FUT8: variants seen among roughly 807,000 people sequenced by gnomAD.
FUT8 encodes fucosyltransferase 8.
In FUT8, 29 loss-of-function variants were observed where a neutral mutation model predicts 71.3. The ratio of observed to expected loss-of-function variants is 0.41; its 90% CI spans 0.30 to 0.55. The LOEUF is 0.55. Among genes scored for constraint, FUT8 ranks in the 20% least tolerant of loss-of-function variants. The pLI, the probability that FUT8 is intolerant of heterozygous loss-of-function variation, is 0.34. For missense variants in FUT8, 544 were observed against 702.1 expected, an observed-to-expected ratio of 0.77 and a Z score of 2.55; for synonymous variants, 254 against 239.3, an observed-to-expected ratio of 1.06 and a Z score of -0.57.
intron 6 of FUT8, among the ~76,000 whole-genome samples, chr14:65,632,913 TCA>T (rs1338803763): frequency 2.0e-5 from 3 of 151,984 alleles, no homozygotes; most frequent in South Asian, 2.1e-4. Context: ...AGATGAGGAT[TCA>T]GTTTCATTCT....
At chr14:65,601,983 AT>A (rs1321553007) in intron 3 of FUT8, among the ~76,000 whole-genome samples, 2 of 151,714 alleles carry the variant, frequency 1.3e-5, no homozygotes, top group East Asian at 1.9e-4. Context: ...TTTTAAAAAA[AT>A]TTTTTTTATA....
chr14:65,629,177 A>ATTTG (rs1392001295), intron 5 of FUT8, among the ~76,000 whole-genome samples: 1 of 152,202 alleles, frequency 6.6e-6, no homozygotes, highest in African/African-American at 2.4e-5. Context: ...TAATTTACTC[A>ATTTG]TTTGTTTGCT....
chr14:65,720,392 AG>A (rs1895354887), intron 7 of FUT8, among the ~76,000 whole-genome samples: 1 of 152,262 alleles, frequency 6.6e-6, no homozygotes. Flanking sequence ...AGGCAGGTCC[AG>A]GAGTGCCATA....
intron 1 of FUT8, among the ~76,000 whole-genome samples, chr14:65,433,597 T>C (rs979273232): frequency 3.9e-5 from 6 of 152,074 alleles, no homozygotes; most frequent in Non-Finnish European, 2.9e-5. Flanking sequence ...GTGAGTAGAG[T>C]GGTAAAATGT....
intron 2 of FUT8, among the ~76,000 whole-genome samples, chr14:65,482,379 A>G (rs145014838): frequency 3.9e-5 from 6 of 152,020 alleles, no homozygotes; most frequent in East Asian, 1.9e-4. Flanking sequence ...TAAAGTGACA[A>G]ATGTACAGGT....
intron 2 of FUT8, among the ~76,000 whole-genome samples, chr14:65,558,475 C>T (rs1030959830): frequency 8.5e-5 from 13 of 152,084 alleles, no homozygotes; most frequent in Non-Finnish European, 1.8e-4. Flanking sequence ...TAATAGCATT[C>T]TCTCACTTTC....
At chr14:65,666,027 C>G (rs1892194227) in intron 6 of FUT8, among the ~76,000 whole-genome samples, 1 of 151,886 alleles carries the variant, frequency 6.6e-6, no homozygotes, top group Non-Finnish European at 1.5e-5. Flanking sequence ...CAACAAACCC[C>G]CATGACACAA....
intron 2 of FUT8, among the ~76,000 whole-genome samples, chr14:65,558,660 C>CATAA (rs1885732538): frequency 6.6e-6 from 1 of 152,110 alleles, no homozygotes; most frequent in Non-Finnish European, 1.5e-5. Flanking sequence ...AAACAGTAAC[C>CATAA]ATAAGTAAGT....
intron 3 of FUT8, among the ~76,000 whole-genome samples, chr14:65,568,097 A>G (rs948459104): frequency 4.0e-5 from 6 of 151,764 alleles, no homozygotes; most frequent in African/African-American, 1.2e-4. Context: ...CATCTCTTTA[A>G]TATAAATTGG....
Position 65,677,170 on chromosome 14 carries a change from G to A in FUT8, c.835+7690G>A, listed in dbSNP as rs755385738. On this transcript the variant is annotated intron_variant, in intron 7 of 10. Transcript: ENST00000673929. ...TGTGTGTGCGCGCGCGCATGCGCGC[G>A]CACGTATGTGTGTGCGCATGTGTGT... is the stretch of plus-strand genomic sequence containing the variant. 9.5e-3 allele frequency among the ~76,000 whole-genome samples: 1,125 copies of A among 118,830 alleles called. 13 individuals are homozygous for A. The highest frequency in any genetic ancestry group is 0.014 in the Non-Finnish European group (816 of 59,748). 78.0% of individuals were successfully genotyped at this position (118,830 alleles called of 152,430 possible). A position where few individuals can be genotyped will look rare whatever the true frequency, so the allele number is the denominator to read the frequency against.
At chr14:65,588,132 T>C (rs1333845068) in intron 3 of FUT8, among the ~76,000 whole-genome samples, 1 of 152,210 alleles carries the variant, frequency 6.6e-6, no homozygotes, top group Non-Finnish European at 1.5e-5. Context: ...CTGTTCTAGC[T>C]TAATTTTCCA....
At chr14:65,369,318 GTT>G in the FUT8 span, among the ~76,000 whole-genome samples, 4 of 152,320 alleles carry the variant, frequency 2.6e-5, no homozygotes, top group South Asian at 8.3e-4. The surrounding 1 kb of genome is among the most constrained non-coding windows in gnomAD (Gnocchi z 4.6). Context: ...AAGGTACTGA[GTT>G]TTTCTTAGAG....
At chr14:65,546,458 C>G (rs771887084) in intron 2 of FUT8, among the ~76,000 whole-genome samples, 6 of 151,624 alleles carry the variant, frequency 4.0e-5, no homozygotes, top group Non-Finnish European at 7.4e-5. Context: ...TTTTGTCAGG[C>G]ATGTTTTTGA....
At chr14:65,540,236 C>G (rs1884594595) in intron 2 of FUT8, among the ~76,000 whole-genome samples, 1 of 152,100 alleles carries the variant, frequency 6.6e-6, no homozygotes, top group Non-Finnish European at 1.5e-5. Context: ...CCCCTTTCCT[C>G]TATAGTAATA....
At chr14:65,475,093 T>C (rs112226043) in intron 2 of FUT8, among the ~76,000 whole-genome samples, 20 of 152,344 alleles carry the variant, frequency 1.3e-4, no homozygotes, top group African/African-American at 4.8e-4. Flanking sequence ...CTTTGTATCT[T>C]GTTCCCAGTC....
At chr14:65,396,555 C>T in the FUT8 span, among the ~76,000 whole-genome samples, 1 of 152,212 alleles carries the variant, frequency 6.6e-6, no homozygotes, top group East Asian at 1.9e-4. This position sits in a 1 kb window ranked among gnomAD's most constrained non-coding sequence, Gnocchi z 5.5. Context: ...AAACCACCTT[C>T]ATGATTCAAT....
chr14:65,629,357 G>T, intron 5 of FUT8, 135 bp from the exon 6 acceptor site: 1 of 528,330 alleles, frequency 1.9e-6, no homozygotes, highest in South Asian at 3.4e-5. Context: ...AACCTTGATA[G>T]AAAATAAAAG....
chr14:65,448,091 TTCTA>T (rs1357519083), intron 1 of FUT8, among the ~76,000 whole-genome samples: 1 of 152,224 alleles, frequency 6.6e-6, no homozygotes, highest in Non-Finnish European at 1.5e-5. Context: ...GACCTGTTGA[TTCTA>T]TCTCTTTATC....
intron 6 of FUT8, among the ~76,000 whole-genome samples, chr14:65,647,071 A>T (rs1891155560): frequency 6.6e-6 from 1 of 152,184 alleles, no homozygotes. Context: ...ATCACTTGAA[A>T]AACTTCTCTG....
Sources: gnomAD v4.1 joint callset for allele counts (sites outside exome capture counted in the v4.1 genomes callset) on GRCh38, gnomAD v4.1.1 for gene constraint, Gnocchi (gnomAD v3.1) non-coding constraint, MANE v1.5 for transcripts, NCBI Gene and HGNC (gene_info 2026-07-23, HGNC 2026-07-21) for gene names.